Variants in NEK10 observed in about 807,000 individuals in gnomAD.
The protein encoded by NEK10 is NIMA related kinase 10.
In NEK10, 122 loss-of-function variants were observed where a neutral mutation model predicts 159.8. That is an observed-to-expected ratio of 0.76 (90% CI 0.66 to 0.89). The LOEUF (loss-of-function observed/expected upper bound fraction) is 0.89. NEK10 is among the 40% of genes least tolerant of loss of function. NEK10 has a pLI of 0.00. For missense variants in NEK10, 1,342 were observed against 1,323.1 expected (o/e 1.01, Z -0.22); for synonymous variants, 466 against 457.1 (o/e 1.02, Z -0.25).
chr3:27,132,701 A>G (rs982411570), intron 31 of NEK10, among the ~76,000 whole-genome samples: 18 of 152,202 alleles, frequency 1.2e-4, no homozygotes, highest in African/African-American at 3.9e-4. Flanking sequence ...AAGTCCTGGA[A>G]AGCACAGAAA....
intron 23 of NEK10, among the ~76,000 whole-genome samples, chr3:27,223,235 C>T (rs1028053896): frequency 2.0e-5 from 3 of 152,188 alleles, no homozygotes; most frequent in African/African-American, 2.4e-5. Context: ...CCTCCATCAA[C>T]GGCTCTTTCC....
At chr3:27,173,113 T>C (rs1363545822) in intron 28 of NEK10, among the ~76,000 whole-genome samples, 1 of 152,226 alleles carries the variant, frequency 6.6e-6, no homozygotes, top group African/African-American at 2.4e-5. Context: ...AACTAAAATA[T>C]GTTACAAATT....
intron 23 of NEK10, among the ~76,000 whole-genome samples, chr3:27,224,582 T>C (rs1193543353): frequency 6.6e-6 from 1 of 152,196 alleles, no homozygotes; most frequent in African/African-American, 2.4e-5. Flanking sequence ...CATGACCAAG[T>C]AAATGCTGCT....
In NEK10 at chr3:27,293,742, C is replaced by G. The variant is rs1056227387; in HGVS notation, c.1309-90G>C. On this transcript the variant is annotated intron_variant, in intron 15 of 35. Coordinates refer to ENST00000691995, the MANE Select transcript of NEK10 (RefSeq NM_001394966.1). ...AGAATTAACAGGAAGTAAACATTAACGTGACTTTATTGTAAGTGGCTGGTC... is the reference window on the plus strand; with the variant it reads ...AGAATTAACAGGAAGTAAACATTAAGGTGACTTTATTGTAAGTGGCTGGTC... The G allele has an allele frequency of 1.7e-5, 12 of 699,564 alleles. 1 individual carries two copies. The South Asian group carries it at 2.5e-4, about 14-fold the overall frequency. The allele number at this position is 699,564 out of a possible 1,614,324, so 43.3% of individuals were successfully genotyped here.
chr3:27,298,553 G>T (rs1475227779), intron 13 of NEK10, among the ~76,000 whole-genome samples: 1 of 152,174 alleles, frequency 6.6e-6, no homozygotes, highest in African/African-American at 2.4e-5. Context: ...TTGCTGAAAA[G>T]ATAACAGAAA....
At chr3:27,162,556 A>G (rs1349950852) in intron 30 of NEK10, 145 bp downstream of exon 30, 2 of 1,614,022 alleles carry the variant, frequency 1.2e-6, no homozygotes, top group Non-Finnish European at 1.7e-6. Context: ...GTGGGCCCTG[A>G]GCATGTGGGG....
At chr3:27,315,928 G>T (rs1404639645) in intron 6 of NEK10, among the ~76,000 whole-genome samples, 1 of 152,152 alleles carries the variant, frequency 6.6e-6, no homozygotes, top group African/African-American at 2.4e-5. Context: ...GGGAAGAGGT[G>T]AAAATAAAGG....
intron 26 of NEK10, among the ~76,000 whole-genome samples, chr3:27,182,376 A>T (rs1358688026): frequency 2.0e-5 from 3 of 152,154 alleles, no homozygotes; most frequent in African/African-American, 7.2e-5. Context: ...AACATTTTTT[A>T]AAAGCTACAA....
At chr3:27,236,630 T>G (rs1365674269) in intron 23 of NEK10, among the ~76,000 whole-genome samples, 1 of 152,130 alleles carries the variant, frequency 6.6e-6, no homozygotes, top group Admixed American at 6.6e-5. Flanking sequence ...ATGTCCCACC[T>G]GAGCCGCAAA....
intron 23 of NEK10, among the ~76,000 whole-genome samples, chr3:27,214,549 CT>C (rs370417315): frequency 7.8e-5 from 11 of 141,564 alleles, no homozygotes; most frequent in Non-Finnish European, 1.4e-4. Flanking sequence ...TACTTTCTTT[CT>C]TTTTTTTGTT....
intron 23 of NEK10, among the ~76,000 whole-genome samples, chr3:27,204,288 T>A (rs1950302416): frequency 8.4e-6 from 1 of 119,332 alleles, no homozygotes; most frequent in African/African-American, 3.6e-5. Flanking sequence ...TTTTTTTTTT[T>A]TTTTTTGTTG....
At chr3:27,299,437 C>T (rs9876597) in intron 13 of NEK10, among the ~76,000 whole-genome samples, 6,987 of 152,286 alleles carry the variant, frequency 0.046, 283 homozygotes, top group African/African-American at 0.11. Context: ...CAGAAGTTTG[C>T]TGCAGGGGCG....
intron 35 of NEK10, among the ~76,000 whole-genome samples, chr3:27,112,996 T>G (rs1232481212): frequency 1.3e-5 from 2 of 152,224 alleles, no homozygotes; most frequent in East Asian, 3.8e-4. Flanking sequence ...AGTAGGTGCT[T>G]CTAATTGAAG....
At chr3:27,265,644 A>G (rs999455782) in intron 22 of NEK10, 3 of 152,178 alleles carry the variant, frequency 2.0e-5, no homozygotes, top group Non-Finnish European at 2.9e-5. Flanking sequence ...TAATCTCTGT[A>G]TCACTCCAAT....
intron 23 of NEK10, among the ~76,000 whole-genome samples, chr3:27,245,785 A>G (rs1276521251): frequency 6.6e-6 from 1 of 152,172 alleles, no homozygotes; most frequent in Non-Finnish European, 1.5e-5. Flanking sequence ...ATTTGTGGTA[A>G]ATACATGAGG....
Position 27,116,264 on chromosome 3 carries a change from A to T in NEK10, c.3191-137T>A. ...ATAAAGATGGAACAAGCAAATTCCA[A>T]AGCATCTGCCTTGGCTTTGAATATT... is the stretch of plus-strand genomic sequence containing the variant. On this transcript the variant is annotated intron_variant, in intron 33 of 35. Transcript: ENST00000691995. 3 of 748,154 alleles carry T rather than the reference A, an allele frequency of 4.0e-6. No individual in the cohort carries two copies. In the South Asian group the frequency reaches 5.3e-5, roughly 13 times the overall value. The allele number at this position is 748,154 out of a possible 1,614,324, so 46.3% of individuals were successfully genotyped here.
At position 27,159,693 on chromosome 3, in the gene NEK10, T is replaced by A. The variant is rs117907795; in HGVS notation, c.2869+3008A>T. Among the ~76,000 whole-genome samples the A allele has an allele frequency of 3.0e-4, 46 of 152,180 alleles. 1 individual carries two copies. In the East Asian group the frequency reaches 8.5e-3, roughly 28 times the overall value. On this transcript the variant is annotated intron_variant, in intron 30 of 35. Transcript: ENST00000691995. Reference sequence around the variant, plus strand: ...ATAAATTATTGATACAATTTAGTAATAAAAGATAGAACAAGGGGATTTTTA... The same window carrying A: ...ATAAATTATTGATACAATTTAGTAAAAAAAGATAGAACAAGGGGATTTTTA...
chr3:27,366,931 C>A (rs556869980), intron 1 of NEK10, among the ~76,000 whole-genome samples: 2 of 151,570 alleles, frequency 1.3e-5, no homozygotes. Flanking sequence ...CTGCTTCAGC[C>A]TCCCAAGTAG....
intron 31 of NEK10, among the ~76,000 whole-genome samples, chr3:27,138,552 T>C (rs1193593312): frequency 6.6e-6 from 1 of 152,206 alleles, no homozygotes; most frequent in East Asian, 1.9e-4. Flanking sequence ...CCCTCCCTAG[T>C]AGATAATACT....
Sources: gnomAD v4.1 joint callset for allele counts (sites outside exome capture counted in the v4.1 genomes callset) on GRCh38, gnomAD v4.1.1 for gene constraint, MANE v1.5 for transcripts, NCBI Gene and HGNC (gene_info 2026-07-23, HGNC 2026-07-21) for gene names.